The following HEPH variants were observed in gnomAD, a reference collection of about 807,000 sequenced individuals.
HEPH encodes the protein hephaestin.
Under a neutral mutation model 80.8 loss-of-function variants are expected in HEPH, and 69 were observed. That is an observed-to-expected ratio of 0.85 (90% confidence interval 0.70 to 1.04). The LOEUF (loss-of-function observed/expected upper bound fraction) is 1.04. Among genes scored for constraint, HEPH ranks in the 50% least tolerant of loss-of-function variants. HEPH has a pLI of 0.00. For missense variants in HEPH, 1,115 were observed against 891.3 expected (o/e 1.25, Z -3.20); for synonymous variants, 431 against 322.8 (o/e 1.34, Z -3.60).
chrX:66,189,884 C>T lies in HEPH; in HGVS notation c.1009C>T (p.Pro337Ser). ...CACCTTTGTGACTGCTGAGATGGTGCCCTGGGAACCTGGTACCTGGTTAAT... is the reference window on the plus strand; with the variant it reads ...CACCTTTGTGACTGCTGAGATGGTGTCCTGGGAACCTGGTACCTGGTTAAT... The part of the protein sequence containing the change: ...PATFVTAEMV[P>S]WEPGTWLISC... Residue 337 changes from proline (P) to serine (S), a missense_variant, in exon 6 of 21, where the codon CCC becomes TCC. Physicochemically the swap from Pro to Ser is moderately conservative, Grantham distance 74 (BLOSUM62 -1). Transcript: ENST00000343002. The T allele has an allele frequency of 8.4e-7, 1 of 1,197,500 alleles. No homozygotes were observed. The highest frequency in any genetic ancestry group is 1.1e-6 in the Non-Finnish European group (1 of 887,800).
Position 66,164,257 on chromosome X carries a change from T to C in HEPH, c.-227T>C. ...CCAGAGGAACAGGACATTCCAGTAG[T>C]TTTGTTTCTGGAAAAGAGGGCACCC... On this transcript the variant is annotated 5_prime_UTR_variant, in exon 1 of 21. Coordinates refer to ENST00000343002, the MANE Select transcript of HEPH (RefSeq NM_001367233.3). 1 of 753,545 alleles carries C rather than the reference T, an allele frequency of 1.3e-6. No individual in the cohort carries two copies. The allele number at this position is 753,545 out of a possible 1,213,427, so 62.1% of individuals were successfully genotyped here.
At chrX:66,192,338 G>A (rs1420148896) in intron 7 of HEPH, 40 bp downstream of exon 7, 4 of 1,084,728 alleles carry the variant, frequency 3.7e-6, no homozygotes, top group Admixed American at 2.4e-5. Context: ...TTCTTTAATT[G>A]GTCCAGCTCC....
chrX:66,218,526 C>A (rs1016566457), intron 15 of HEPH, among the ~76,000 whole-genome samples: 4 of 111,695 alleles, frequency 3.6e-5, no homozygotes, highest in African/African-American at 1.3e-4. Context: ...CTATCGAAAC[C>A]TCTGGGATAC....
intron 15 of HEPH, among the ~76,000 whole-genome samples, chrX:66,215,709 A>T (rs1454171962): frequency 9.0e-6 from 1 of 111,336 alleles, no homozygotes; most frequent in East Asian, 2.8e-4. Context: ...TCCAGGAACT[A>T]CAGCAGAAAC....
intron 15 of HEPH, among the ~76,000 whole-genome samples, chrX:66,245,675 A>G (rs1411358351): frequency 9.0e-6 from 1 of 111,688 alleles, no homozygotes; most frequent in East Asian, 2.8e-4. Flanking sequence ...AAAAGAATAT[A>G]CATTCTTTTC....
chrX:66,266,033 G>T (rs1454039677), intron 20 of HEPH, among the ~76,000 whole-genome samples: 1 of 112,004 alleles, frequency 8.9e-6, no homozygotes, highest in African/African-American at 3.2e-5. Context: ...AATTGCTATT[G>T]ATAAGCTGGA....
At chrX:66,259,407 G>A (rs2091282932) in intron 18 of HEPH, among the ~76,000 whole-genome samples, 1 of 111,781 alleles carries the variant, frequency 8.9e-6, no homozygotes, top group Non-Finnish European at 1.9e-5. Context: ...TTAGTCTTAG[G>A]TAAAGGAGGA....
intron 15 of HEPH, among the ~76,000 whole-genome samples, chrX:66,251,043 TA>T (rs1227502293): frequency 9.0e-6 from 1 of 111,372 alleles, no homozygotes; most frequent in Non-Finnish European, 1.9e-5. Flanking sequence ...ACCACCACAT[TA>T]AGCTAATTTT....
intron 15 of HEPH, among the ~76,000 whole-genome samples, chrX:66,233,689 C>T (rs1282382990): frequency 2.7e-5 from 3 of 109,812 alleles, no homozygotes; most frequent in Non-Finnish European, 5.7e-5. Context: ...AGATTTTTGT[C>T]TTTCTCAAGG....
chrX:66,222,997 G>T (rs1005313358), intron 15 of HEPH, among the ~76,000 whole-genome samples: 8 of 110,992 alleles, frequency 7.2e-5, no homozygotes, highest in African/African-American at 2.3e-4. Context: ...GAGTCTGGAG[G>T]GGGTGGCGCT....
chrX:66,170,097 T>C (rs2086528712), intron 1 of HEPH: 1 of 112,689 alleles, frequency 8.9e-6, no homozygotes, highest in African/African-American at 3.2e-5. Flanking sequence ...CTAGTAAATA[T>C]TTTTTAGTAA....
intron 15 of HEPH, among the ~76,000 whole-genome samples, chrX:66,225,173 C>T (rs1207103694): frequency 9.0e-6 from 1 of 111,613 alleles, no homozygotes; most frequent in Non-Finnish European, 1.9e-5. Context: ...GCCAGTCTAT[C>T]TTACAAAAAG....
chrX:66,240,008 TCAAA>T (rs1233874906), intron 15 of HEPH, among the ~76,000 whole-genome samples: 1 of 111,241 alleles, frequency 9.0e-6, no homozygotes, highest in Non-Finnish European at 1.9e-5. Context: ...AACAAACACA[TCAAA>T]CAAACCAGAT....
chrX:66,205,486 C>T (rs1396668147), intron 13 of HEPH, among the ~76,000 whole-genome samples: 5 of 111,958 alleles, frequency 4.5e-5, no homozygotes, highest in African/African-American at 1.3e-4. Flanking sequence ...TTTCTTTATC[C>T]AGTCCACCAC....
intron 7 of HEPH, among the ~76,000 whole-genome samples, chrX:66,193,084 A>G (rs1436227615): frequency 9.0e-6 from 1 of 110,929 alleles, no homozygotes; most frequent in African/African-American, 3.3e-5. Flanking sequence ...TGGGCTTATT[A>G]ACATAGTGGG....
chrX:66,193,995 A>T (rs1305703420), intron 8 of HEPH, among the ~76,000 whole-genome samples: 1 of 111,760 alleles, frequency 8.9e-6, no homozygotes, highest in Non-Finnish European at 1.9e-5. Flanking sequence ...TATATAAGGA[A>T]GTAAGACTGT....
In HEPH at chrX:66,202,912, C is replaced by CATATATATAT. The variant is rs759619010; in HGVS notation, c.2078-434_2078-425dup. On this transcript the variant is annotated intron_variant, in intron 12 of 20. Transcript: ENST00000343002. ...CAATTGCCACAAGGTTTTATGTGTG[C>CATATATATAT]ATATATATATATATATATATATATA... Among the ~76,000 whole-genome samples the CATATATATAT allele has an allele frequency of 2.0e-3, 161 of 81,747 alleles. 2 individuals carry two copies. The highest frequency in any genetic ancestry group is 6.9e-3 in the African/African-American group (141 of 20,453). The allele number at this position is 81,747 out of a possible 115,157, so 71.0% of individuals were successfully genotyped here.
chrX:66,196,021 A>G (rs967037137), intron 9 of HEPH, among the ~76,000 whole-genome samples: 15 of 111,921 alleles, frequency 1.3e-4, no homozygotes, highest in Non-Finnish European at 2.8e-4. Flanking sequence ...CAAGAAGTCA[A>G]TACCATCAAT....
At chrX:66,219,807 G>T (rs1090841) in intron 15 of HEPH, among the ~76,000 whole-genome samples, 1 of 110,390 alleles carries the variant, frequency 9.1e-6, no homozygotes, top group Non-Finnish European at 1.9e-5. Flanking sequence ...CCCACTGGTC[G>T]GGTATTTTGG....
Sources: gnomAD v4.1 joint callset for allele counts (sites outside exome capture counted in the v4.1 genomes callset) on GRCh38, gnomAD v4.1.1 for gene constraint, MANE v1.5 for transcripts, NCBI Gene and HGNC (gene_info 2026-07-23, HGNC 2026-07-21) for gene names.